The following FAM114A2 variants were observed in gnomAD, a reference collection of about 807,000 sequenced individuals.
FAM114A2 encodes the protein family with sequence similarity 114 member A2, also known as protein FAM114A2.
Under a neutral mutation model 58.4 loss-of-function variants are expected in FAM114A2, and 53 were observed. That is an observed-to-expected ratio of 0.91 (90% CI 0.73 to 1.14). The LOEUF (loss-of-function observed/expected upper bound fraction) is 1.14, where lower values mean the gene tolerates loss of function less well. FAM114A2 is among the 50% of genes most tolerant of loss of function. FAM114A2 has a pLI of 0.00. For synonymous variants in FAM114A2, 228 were observed against 211.4 expected, an observed-to-expected ratio of 1.08 and a Z score of -0.68; for missense variants, 601 against 581.1, an observed-to-expected ratio of 1.03 and a Z score of -0.35.
At chr5:154,019,065 C>CAA (rs1771230633) in intron 8 of FAM114A2, among the ~76,000 whole-genome samples, 1 of 152,044 alleles carries the variant, frequency 6.6e-6, no homozygotes. Context: ...CCAGAGCAAT[C>CAA]AGAGAAAGAA....
chr5:154,011,715 TAAGC>T (rs138847897), intron 8 of FAM114A2, among the ~76,000 whole-genome samples: 2,839 of 152,272 alleles, frequency 0.019, 85 homozygotes, highest in African/African-American at 0.063. Context: ...CAGCATAGAC[TAAGC>T]AAGTACTGTA....
At chr5:154,038,310 C>G (rs1287516726) in intron 1 of FAM114A2, 1 of 152,208 alleles carries the variant, frequency 6.6e-6, no homozygotes, top group African/African-American at 2.4e-5. Context: ...AAGAGCAGTA[C>G]AGCTTAGTAG....
intron 13 of FAM114A2, among the ~76,000 whole-genome samples, chr5:153,994,055 G>A (rs955289309): frequency 2.0e-5 from 3 of 152,072 alleles, no homozygotes; most frequent in African/African-American, 7.2e-5. Flanking sequence ...GCACCACTCT[G>A]CCATTTACTA....
At chr5:154,002,746 A>G (rs1770071648) in intron 10 of FAM114A2, 101 bp downstream of exon 10, 2 of 1,183,370 alleles carry the variant, frequency 1.7e-6, no homozygotes, top group South Asian at 1.4e-5. Context: ...CACAAGGTTG[A>G]AATTACGGAC....
intron 4 of FAM114A2, 55 bp from the exon 5 acceptor site, chr5:154,029,635 C>G: frequency 1.1e-6 from 1 of 952,192 alleles, no homozygotes; most frequent in South Asian, 1.4e-5. Flanking sequence ...AACTCTCAGG[C>G]TTTATTAGCA....
At chr5:154,031,358 A>G (rs1289522606) in intron 4 of FAM114A2, among the ~76,000 whole-genome samples, 1 of 142,140 alleles carries the variant, frequency 7.0e-6, no homozygotes, top group Non-Finnish European at 1.5e-5. Context: ...AGTTGCAAAT[A>G]CCTTAACTGC....
At chr5:154,032,799 G>C (rs555175546) in intron 4 of FAM114A2, among the ~76,000 whole-genome samples, 20 of 152,300 alleles carry the variant, frequency 1.3e-4, no homozygotes, top group African/African-American at 4.3e-4. Flanking sequence ...GAATACTGTA[G>C]AGAAGCCAGC....
At chr5:154,037,502 T>C (rs1561583092) in intron 1 of FAM114A2, among the ~76,000 whole-genome samples, 1 of 152,216 alleles carries the variant, frequency 6.6e-6, no homozygotes, top group African/African-American at 2.4e-5. Flanking sequence ...CAAGGGCCTA[T>C]CTAATAGGAA....
At chr5:154,038,659 G>A (rs1275255311) in intron 1 of FAM114A2, 198 bp downstream of exon 1, 2 of 152,270 alleles carry the variant, frequency 1.3e-5, no homozygotes, top group East Asian at 3.8e-4. Context: ...TCCCAACTAA[G>A]TTCTCAGGCG....
At chr5:154,029,838 AT>A (rs2113476043) in intron 4 of FAM114A2, among the ~76,000 whole-genome samples, 2 of 152,326 alleles carry the variant, frequency 1.3e-5, no homozygotes, top group South Asian at 4.1e-4. Context: ...ATGTTGTATG[AT>A]TCCAATTATA....
chr5:154,028,274 C>T lies in FAM114A2; in HGVS notation c.505G>A (p.Val169Ile), dbSNP rs780055579. The T allele has an allele frequency of 6.3e-7, 1 of 1,594,974 alleles. No homozygotes were observed. The highest frequency in any genetic ancestry group is 8.6e-7 in the Non-Finnish European group (1 of 1,166,938). The stretch of plus-strand genomic sequence containing the variant: ...AAGGCATCCAAACCCCCACTTATAA[C>T]ACTCTTTCCCTAGAAAATACATGCA... ...STAVQSTGKS[V>I]ISGGLDALEF... is the part of the protein sequence containing the mutation. Residue 169 changes from valine (V) to isoleucine (I), a missense_variant, in exon 6 of 14, where the codon GTT (valine) becomes ATT (isoleucine). By Grantham distance (29) the Val-to-Ile change is conservative. Coordinates refer to ENST00000351797, the MANE Select transcript of FAM114A2 (RefSeq NM_018691.4).
intron 9 of FAM114A2, among the ~76,000 whole-genome samples, chr5:154,005,586 T>C (rs1027864227): frequency 4.6e-5 from 7 of 152,142 alleles, no homozygotes; most frequent in African/African-American, 1.7e-4. Flanking sequence ...AAGACACAGA[T>C]AGGGATAGAG....
Position 154,027,277 on chromosome 5 carries a change from C to A in FAM114A2, c.688G>T (p.Glu230Ter), listed in dbSNP as rs777083482. 6 of 1,613,486 alleles carry A rather than the reference C, an allele frequency of 3.7e-6. No homozygotes were observed. Among genetic ancestry groups the A allele is most frequent in the Non-Finnish European group, 5.1e-6 (6 of 1,179,698 alleles). ...CCATAATGAGTTTTCTTGTCTGTTTCCACGGTAACCTCATTGGAGGTCCGT... is the reference window on the plus strand; with the variant it reads ...CCATAATGAGTTTTCTTGTCTGTTTACACGGTAACCTCATTGGAGGTCCGT... ...EIRTSNEVTV[E>*]TDKKTHYGLL... The change falls in exon 7 of 14, where the codon GAA becomes TAA. Residue 230 changes from glutamate to a stop codon, truncating the protein, a stop_gained. Coordinates refer to ENST00000351797, the MANE Select transcript of FAM114A2 (RefSeq NM_018691.4). LOFTEE classifies it high-confidence loss of function.
intron 7 of FAM114A2, 131 bp from the exon 8 acceptor site, chr5:154,026,653 C>T (rs1000827437): frequency 1.2e-5 from 6 of 492,442 alleles, no homozygotes; most frequent in Non-Finnish European, 1.3e-5. Context: ...ACAAGTTATT[C>T]CTTAAGAACC....
chr5:153,997,549 G>T (rs1043881510), intron 12 of FAM114A2, among the ~76,000 whole-genome samples: 2 of 152,142 alleles, frequency 1.3e-5, no homozygotes, highest in Non-Finnish European at 1.5e-5. Context: ...CAAATCTATA[G>T]AGAAAGAAAG....
chr5:154,027,434 G>T, intron 6 of FAM114A2, 100 bp from the exon 7 acceptor site: 1 of 919,590 alleles, frequency 1.1e-6, no homozygotes, highest in Non-Finnish European at 1.6e-6. Context: ...TTAGAGTACA[G>T]AGGATTGCCC....
In FAM114A2 at chr5:153,991,734, C is replaced by T. The variant is rs1227892908; in HGVS notation, c.*1242G>A. On this transcript the variant is annotated 3_prime_UTR_variant, in exon 14 of 14. Coordinates refer to ENST00000351797, the MANE Select transcript of FAM114A2 (RefSeq NM_018691.4). ...TTGGTCTAAGTAAGATATTAGGGCT[C>T]GTGTTTACAAAAGTAAATGAAAGGA... The T allele has an allele frequency of 7.1e-6, 1 of 141,034 alleles. No homozygotes were observed. The highest frequency in any genetic ancestry group is 2.7e-5 in the African/African-American group (1 of 37,468). 8.7% of individuals were successfully genotyped at this position (141,034 alleles called of 1,614,324 possible).
In FAM114A2 at chr5:154,002,938, T is replaced by A. The variant is rs768740273; in HGVS notation, c.1025A>T (p.Lys342Met). The A allele has an allele frequency of 9.3e-6, 15 of 1,613,868 alleles. No homozygotes were observed. The highest frequency in any genetic ancestry group is 6.7e-5 in the Admixed American group (4 of 60,012). Residue 342 changes from lysine (K) to methionine (M), a missense_variant, in exon 10 of 14, where the codon AAG becomes ATG. Transcript: ENST00000351797. ...CTCTGCTAATGGCTTGGTCAGAGAC[T>A]TCCTGATCCATTCGTGGGCGGTATT... is the stretch of plus-strand genomic sequence containing the variant. ...ARNTAHEWIR[K>M]SLTKPLAENE... is the part of the protein sequence containing the mutation.
chr5:154,007,131 T>C (rs537029781), intron 9 of FAM114A2, among the ~76,000 whole-genome samples: 1 of 152,212 alleles, frequency 6.6e-6, no homozygotes, highest in Admixed American at 6.5e-5. Flanking sequence ...ATACCCAAAG[T>C]GACCTCTCTT....
Sources: allele counts gnomAD v4.1 joint callset (sites outside exome capture counted in the v4.1 genomes callset), GRCh38; gene constraint gnomAD v4.1.1; transcripts MANE v1.5; gene names NCBI Gene and HGNC (gene_info 2026-07-23, HGNC 2026-07-21).